The following TXNDC8 variants were observed in gnomAD, a reference collection of about 807,000 sequenced individuals.
TXNDC8 encodes thioredoxin domain-containing protein 8.
Under a neutral mutation model 12.9 loss-of-function variants are expected in TXNDC8, and 15 were observed. That is an observed-to-expected ratio of 1.16 (90% CI 0.78 to 1.79). The LOEUF (loss-of-function observed/expected upper bound fraction) is 1.79. TXNDC8 is among the 40% of genes most tolerant of loss of function. The pLI, the probability that TXNDC8 is intolerant of heterozygous loss-of-function variation, is 0.00. For synonymous variants in TXNDC8, 40 were observed against 35.4 expected, an observed-to-expected ratio of 1.13 and a Z score of -0.46; for missense variants, 128 against 113.2, an observed-to-expected ratio of 1.13 and a Z score of -0.59.
intron 3 of TXNDC8, chr9:110,322,743 G>T: frequency 4.1e-6 from 4 of 985,468 alleles, no homozygotes; most frequent in Non-Finnish European, 4.8e-6. Context: ...CCTGAATCAG[G>T]TTGGTACCAG....
chr9:110,330,671 C>T (rs944743102), intron 2 of TXNDC8, among the ~76,000 whole-genome samples: 10 of 152,234 alleles, frequency 6.6e-5, no homozygotes, highest in African/African-American at 2.4e-4. Flanking sequence ...AAATCCATCC[C>T]TCTACCTGTT....
rs771761295 is a variant in TXNDC8, at chr9:110,334,263, A to C, written c.82T>G (p.Ser28Ala). Residue 28 changes from serine to alanine, a missense_variant, in exon 2 of 5, where the codon TCT becomes GCT. Transcript: ENST00000423740. ...TTGCAGGGACCACACCGTTTCGAAG[A>C]AAATTGAACCACTGCGAGTTTGTGT... The C allele has an allele frequency of 6.2e-6, 10 of 1,614,020 alleles. No individual in the cohort carries two copies. In the South Asian group the frequency reaches 9.9e-5, roughly 16 times the overall value.
At chr9:110,314,672 T>C (rs1016245349) in intron 3 of TXNDC8, among the ~76,000 whole-genome samples, 3 of 152,132 alleles carry the variant, frequency 2.0e-5, no homozygotes, top group East Asian at 1.9e-4. Flanking sequence ...GACCTCGTGA[T>C]CCGCCCACCT....
chr9:110,326,087 T>C, intron 3 of TXNDC8, 88 bp downstream of exon 4: 1 of 1,278,582 alleles, frequency 7.8e-7, no homozygotes, highest in Non-Finnish European at 1.1e-6. Context: ...TGTAGTTATT[T>C]CATCCACCCA....
intron 3 of TXNDC8, among the ~76,000 whole-genome samples, chr9:110,316,826 A>G (rs1838900622): frequency 6.6e-6 from 1 of 152,216 alleles, no homozygotes. Context: ...AAAGGATCAG[A>G]TAATACCAGC....
intron 4 of TXNDC8, among the ~76,000 whole-genome samples, chr9:110,304,250 C>T (rs1374383884): frequency 2.6e-4 from 39 of 152,060 alleles, no homozygotes; most frequent in Non-Finnish European, 2.9e-5. Flanking sequence ...AGTAAAGGGG[C>T]GGTTGAGCCA....
intron 3 of TXNDC8, among the ~76,000 whole-genome samples, chr9:110,307,223 G>GT (rs1157005202): frequency 6.6e-6 from 1 of 151,848 alleles, no homozygotes; most frequent in Non-Finnish European, 1.5e-5. Context: ...AAAGTGCTGG[G>GT]TTTACAGGCA....
At position 110,334,278 on chromosome 9, in the gene TXNDC8, C is replaced by T. The variant is rs146135369; in HGVS notation, c.67G>A (p.Ala23Thr). The stretch of plus-strand genomic sequence containing the variant: ...CGTTTCGAAGAAAATTGAACCACTG[C>T]GAGTTTGTGTCCGGCAGCTGTCAAA... Residue 23 changes from alanine to threonine, a missense_variant, in exon 2 of 5, where the codon GCA (alanine) becomes ACA (threonine). By Grantham distance (58) the Ala-to-Thr change is moderately conservative. Coordinates refer to ENST00000423740, the MANE Select transcript of TXNDC8 (RefSeq NM_001286946.2). 29 of 1,613,690 alleles carry T rather than the reference C, an allele frequency of 1.8e-5. No homozygotes were observed. Among genetic ancestry groups the T allele is most frequent in the Non-Finnish European group, 2.2e-5 (26 of 1,179,804 alleles).
chr9:110,330,347 T>C (rs1233585063), intron 2 of TXNDC8, among the ~76,000 whole-genome samples: 2 of 152,208 alleles, frequency 1.3e-5, no homozygotes, highest in African/African-American at 2.4e-5. Context: ...TCCAAAAATA[T>C]TTTCTATATG....
At chr9:110,323,572 C>T (rs1839192613) in intron 3 of TXNDC8, 1 of 224,472 alleles carries the variant, frequency 4.5e-6, no homozygotes, top group Non-Finnish European at 8.3e-6. Context: ...TTAACAATTA[C>T]ACCATGAAAT....
chr9:110,305,476 G>T (rs908907414), intron 3 of TXNDC8, among the ~76,000 whole-genome samples: 2 of 152,184 alleles, frequency 1.3e-5, no homozygotes, highest in African/African-American at 4.8e-5. Context: ...ATAGCTAGAA[G>T]TGGGATTGTG....
chr9:110,304,584 C>T (rs775718132), intron 3 of TXNDC8, 52 bp from the exon 5 acceptor site: 23 of 1,536,436 alleles, frequency 1.5e-5, no homozygotes, highest in Admixed American at 1.7e-5. Flanking sequence ...TGGTTTGTAA[C>T]CATCTCCCCT....
At chr9:110,305,277 C>T (rs1838392314) in intron 3 of TXNDC8, among the ~76,000 whole-genome samples, 1 of 151,576 alleles carries the variant, frequency 6.6e-6, no homozygotes, top group South Asian at 2.1e-4. Context: ...TTCCACTCAA[C>T]ATGATGTTTA....
intron 4 of TXNDC8, chr9:110,303,826 C>A (rs1039506391): frequency 2.5e-6 from 2 of 796,742 alleles, no homozygotes; most frequent in South Asian, 3.9e-5. Flanking sequence ...CCATAATATA[C>A]CTTTAATCTA....
rs189774891 is a variant in TXNDC8, at chr9:110,314,499, C to T, written c.196-9967G>A. Among the ~76,000 whole-genome samples, 1,216 of 146,842 alleles carry T rather than the reference C, an allele frequency of 8.3e-3. 14 individuals are homozygous for T. The highest frequency in any genetic ancestry group is 0.021 in the South Asian group (98 of 4,694). On this transcript the variant is annotated intron_variant, in intron 3 of 4. Transcript: ENST00000423740. ...CCAGGCTGGAGTGCAGTGGCGCGAT[C>T]TCGGCTCACTGCAAGCTCCGCCTCC...
intron 2 of TXNDC8, among the ~76,000 whole-genome samples, 161 bp downstream of exon 2, chr9:110,334,055 A>G (rs1037109413): frequency 1.1e-4 from 17 of 152,200 alleles, no homozygotes; most frequent in African/African-American, 3.6e-4. Flanking sequence ...CTTATTATCT[A>G]ATTAGATCTC....
At chr9:110,316,513 G>A (rs1238078065) in intron 3 of TXNDC8, among the ~76,000 whole-genome samples, 1 of 152,146 alleles carries the variant, frequency 6.6e-6, no homozygotes, top group Middle Eastern at 3.2e-3. Context: ...CTTTGCAACT[G>A]CAAGGGGCTT....
intron 2 of TXNDC8, 103 bp downstream of exon 2, chr9:110,334,113 C>A: frequency 2.3e-6 from 2 of 888,182 alleles, no homozygotes; most frequent in South Asian, 1.8e-5. Flanking sequence ...TCTATGGCTC[C>A]AGAATGGCTC....
chr9:110,317,530 A>C (rs1838930267), intron 3 of TXNDC8, among the ~76,000 whole-genome samples: 1 of 152,160 alleles, frequency 6.6e-6, no homozygotes, highest in Admixed American at 6.5e-5. Flanking sequence ...GCCCAGATAG[A>C]TCTGGAAGGC....
Sources: allele counts gnomAD v4.1 joint callset (sites outside exome capture counted in the v4.1 genomes callset), GRCh38; gene constraint gnomAD v4.1.1; transcripts MANE v1.5; gene names NCBI Gene and HGNC (gene_info 2026-07-23, HGNC 2026-07-21).